The following AGPAT3 variants were observed in gnomAD, a reference collection of about 807,000 sequenced individuals.
AGPAT3 encodes the protein 1-acyl-sn-glycerol-3-phosphate acyltransferase gamma.
AGPAT3 carries 5 observed loss-of-function variants against 47.3 expected under a neutral mutation model. The observed-to-expected ratio is 0.11, with a 90% CI of 0.06 to 0.22. The LOEUF (loss-of-function observed/expected upper bound fraction) is 0.22. AGPAT3 is among the 10% of genes least tolerant of loss of function. The pLI is 1.00. For missense variants in AGPAT3, 315 were observed against 493.0 expected, an observed-to-expected ratio of 0.64 and a Z score of 3.42; for synonymous variants, 212 against 208.3, an observed-to-expected ratio of 1.02 and a Z score of -0.15.
At chr21:43,885,840 TGC>T (rs1464106163) in intron 1 of AGPAT3, among the ~76,000 whole-genome samples, 16 of 139,486 alleles carry the variant, frequency 1.1e-4, no homozygotes, top group Non-Finnish European at 2.1e-4. Flanking sequence ...GGTGCGCAGG[TGC>T]GCAGGGCTCC....
intron 7 of AGPAT3, among the ~76,000 whole-genome samples, chr21:43,974,529 GGT>G (rs760469443): frequency 6.6e-6 from 1 of 150,466 alleles, no homozygotes; most frequent in Non-Finnish European, 1.5e-5. Context: ...TGTGTCATGT[GGT>G]GTGTGTGTAA....
intron 8 of AGPAT3, among the ~76,000 whole-genome samples, chr21:43,979,762 G>C (rs1340988704): frequency 6.6e-6 from 1 of 152,170 alleles, no homozygotes. Flanking sequence ...AAATGTGTGT[G>C]CCAGGACACT....
intron 8 of AGPAT3, 48 bp downstream of exon 8, chr21:43,978,169 T>C: frequency 5.8e-6 from 9 of 1,564,998 alleles, no homozygotes; most frequent in Non-Finnish European, 6.1e-6. Flanking sequence ...CTGAAGAGGC[T>C]GTGGAAGGGG....
At chr21:43,905,102 C>T (rs976041765) in intron 2 of AGPAT3, among the ~76,000 whole-genome samples, 2 of 151,964 alleles carry the variant, frequency 1.3e-5, no homozygotes, top group Admixed American at 1.3e-4. Flanking sequence ...CTGAATGCCT[C>T]CATAGTTTTC....
Position 43,933,420 on chromosome 21 carries a change from G to T in AGPAT3, c.-48-26214G>T, listed in dbSNP as rs540838889. On this transcript the variant is annotated intron_variant, in intron 2 of 9. Transcript: ENST00000291572. The surrounding 1 kb of genome is among the most constrained non-coding windows in gnomAD (Gnocchi z 6.0). Reference sequence around the variant, plus strand: ...CCAGTGGTCTATGTTTGCTTTTGTCGTGTATCTTTTTTAAAGCTCTGCCAT... The same window carrying T: ...CCAGTGGTCTATGTTTGCTTTTGTCTTGTATCTTTTTTAAAGCTCTGCCAT... Among the ~76,000 whole-genome samples the T allele has an allele frequency of 6.6e-6, 1 of 152,130 alleles. No homozygotes were observed. Among genetic ancestry groups the T allele is most frequent in the Non-Finnish European group, 1.5e-5 (1 of 68,036 alleles).
intron 2 of AGPAT3, among the ~76,000 whole-genome samples, chr21:43,942,742 T>C (rs2087704845): frequency 6.6e-6 from 1 of 152,156 alleles, no homozygotes; most frequent in Non-Finnish European, 1.5e-5. Flanking sequence ...GGTGCAGCGG[T>C]CACCCTGGGC....
In AGPAT3 at chr21:43,959,082, T is replaced by TGTGTGTGGCATGTGTGTGGTTTGC. The variant is rs1555909854; in HGVS notation, c.-48-551_-48-550insTGTGTGGCATGTGTGTGGTTTGCG. ...TGGTATGCGTGGTGTGTGTGGTTTG[T>TGTGTGTGGCATGTGTGTGGTTTGC]GGTGTGTGTGTGTCATGTGTGTGGT... is the stretch of plus-strand genomic sequence containing the variant. On this transcript the variant is annotated intron_variant, in intron 2 of 9. Transcript: ENST00000291572. 4.3e-4 allele frequency among the ~76,000 whole-genome samples: 52 copies of TGTGTGTGGCATGTGTGTGGTTTGC among 122,094 alleles called. 1 individual carries two copies. The highest frequency in any genetic ancestry group is 1.1e-3 in the South Asian group (4 of 3,690). 80.1% of individuals were successfully genotyped at this position (122,094 alleles called of 152,430 possible).
intron 1 of AGPAT3, among the ~76,000 whole-genome samples, chr21:43,874,703 C>T (rs2085696097): frequency 6.6e-6 from 1 of 152,118 alleles, no homozygotes; most frequent in African/African-American, 2.4e-5. Flanking sequence ...CTCTTTATTT[C>T]TGGTGTTTTT....
At chr21:43,959,083 G>GTGTGTGTGGCGTGTGTGTGGTTTGCA in intron 2 of AGPAT3, among the ~76,000 whole-genome samples, 1 of 50,282 alleles carries the variant, frequency 2.0e-5, no homozygotes. Context: ...TGTGGTTTGT[G>GTGTGTGTGGCGTGTGTGTGGTTTGCA]GTGTGTGTGT....
intron 2 of AGPAT3, among the ~76,000 whole-genome samples, chr21:43,941,124 A>G (rs1045985914): frequency 2.0e-5 from 3 of 152,200 alleles, no homozygotes; most frequent in Non-Finnish European, 2.9e-5. Context: ...AAAAACCCCA[A>G]GTCTGGGTGC....
In AGPAT3 at chr21:43,952,063, G is replaced by C. The variant is rs1305975425; in HGVS notation, c.-48-7571G>C. Among the ~76,000 whole-genome samples the C allele has an allele frequency of 6.6e-6, 1 of 152,082 alleles. No individual in the cohort carries two copies. The highest frequency in any genetic ancestry group is 6.5e-5 in the Admixed American group (1 of 15,280). Reference sequence around the variant, plus strand: ...CCTGGGGCAGGCAGGGGGTGGGCTGGATGGCGGAACACGGGGATGGGCCCG... The same window carrying C: ...CCTGGGGCAGGCAGGGGGTGGGCTGCATGGCGGAACACGGGGATGGGCCCG... On this transcript the variant is annotated intron_variant, in intron 2 of 9. Transcript: ENST00000291572. This position sits in a 1 kb window ranked among gnomAD's most constrained non-coding sequence, Gnocchi z 5.6.
chr21:43,944,574 A>T (rs2087798881), intron 2 of AGPAT3, among the ~76,000 whole-genome samples: 1 of 152,198 alleles, frequency 6.6e-6, no homozygotes, highest in Non-Finnish European at 1.5e-5. Flanking sequence ...AGAAAGACAG[A>T]GGCTTGTTCC....
At chr21:43,875,011 C>T (rs2085702922) in intron 1 of AGPAT3, among the ~76,000 whole-genome samples, 1 of 152,124 alleles carries the variant, frequency 6.6e-6, no homozygotes. Context: ...GATGGAGTCT[C>T]ACTCAGTCGC....
chr21:43,911,359 GT>G (rs1157181224), intron 2 of AGPAT3, among the ~76,000 whole-genome samples: 2 of 152,242 alleles, frequency 1.3e-5, no homozygotes, highest in South Asian at 2.1e-4. Flanking sequence ...CTTGAACTGT[GT>G]TTGTGTGATT....
chr21:43,945,048 G>A (rs533809804), intron 2 of AGPAT3, among the ~76,000 whole-genome samples: 2 of 152,240 alleles, frequency 1.3e-5, no homozygotes, highest in Admixed American at 1.3e-4. Context: ...GGGCAGAGCC[G>A]TAGCCACAGT....
rs887781481 is a variant in AGPAT3 at position 43,955,170 on chromosome 21, G to A, written c.-48-4464G>A. 38 of 1,274,404 alleles carry A rather than the reference G, an allele frequency of 3.0e-5. No homozygotes were observed. In the African/African-American group the frequency reaches 3.8e-4, roughly 13 times the overall value. 78.9% of individuals were successfully genotyped at this position (1,274,404 alleles called of 1,614,324 possible). On this transcript the variant is annotated intron_variant, in intron 2 of 9. Transcript: ENST00000291572. This position sits in a 1 kb window ranked among gnomAD's most constrained non-coding sequence, Gnocchi z 4.1. ...GCGCCCTGGGTGCTGTCCCGGGGCC[G>A]TCTCAGAAGCACCGCGCTGGACCGG...
chr21:43,878,151 C>A (rs1006573540), intron 1 of AGPAT3, among the ~76,000 whole-genome samples: 1 of 152,094 alleles, frequency 6.6e-6, no homozygotes, highest in African/African-American at 2.4e-5. Context: ...TGTCCCCCGA[C>A]CTCACGCTCT....
intron 1 of AGPAT3, among the ~76,000 whole-genome samples, chr21:43,883,436 C>A (rs1441554581): frequency 6.6e-6 from 1 of 152,234 alleles, no homozygotes; most frequent in African/African-American, 2.4e-5. Flanking sequence ...TGGGGAAAAT[C>A]CCTGCAGATG....
At chr21:43,963,007 A>G (rs1411948578) in intron 3 of AGPAT3, among the ~76,000 whole-genome samples, 1 of 152,200 alleles carries the variant, frequency 6.6e-6, no homozygotes, top group Non-Finnish European at 1.5e-5. Context: ...AGATACAGTT[A>G]ATGAGAATGG....
Sources: allele counts gnomAD v4.1 joint callset (sites outside exome capture counted in the v4.1 genomes callset), GRCh38; gene constraint gnomAD v4.1.1; non-coding constraint Gnocchi (gnomAD v3.1); transcripts MANE v1.5; gene names NCBI Gene and HGNC (gene_info 2026-07-23, HGNC 2026-07-21).